Variants in SRCIN1 observed in about 807,000 individuals in gnomAD.
The protein encoded by SRCIN1 is P130Cas-associated protein.
In SRCIN1, 50 loss-of-function variants were observed where a neutral mutation model predicts 116.2. The observed-to-expected ratio is 0.43, with a 90% CI of 0.34 to 0.54. The LOEUF (loss-of-function observed/expected upper bound fraction) is 0.54. Among genes scored for constraint, SRCIN1 ranks in the 20% least tolerant of loss-of-function variants. SRCIN1 has a pLI of 0.02. For synonymous variants in SRCIN1, 736 were observed against 750.0 expected, an observed-to-expected ratio of 0.98 and a Z score of 0.30; for missense variants, 1,446 against 1,672.0, an observed-to-expected ratio of 0.86 and a Z score of 2.36.
chr17:38,560,415 C>G lies in SRCIN1; in HGVS notation c.1711G>C (p.Glu571Gln). ...AKDTETRERMEAMEKQIASLT... is the reference protein window; with the variant it reads ...AKDTETRERMQAMEKQIASLT... ...CTGGCAATCTGCTTCTCCATGGCCT[C>G]CATGCGCTCCCTGGGGAGGAAGGGG... The change falls in exon 8 of 19, where the codon GAG becomes CAG. Residue 571 changes from glutamate (E) to glutamine (Q), a missense_variant. Glu to Gln is a conservative substitution (Grantham distance 29). Around this residue, in one of 5 missense-constraint regions of SRCIN1, gnomAD observed 398 missense variants for 385.6 expected, o/e 1.03. Coordinates refer to ENST00000617146, the MANE Select transcript of SRCIN1 (RefSeq NM_025248.3). 6.2e-7 allele frequency: 1 copy of G among 1,610,908 alleles called. No individual in the cohort carries two copies. The highest frequency in any genetic ancestry group is 8.5e-7 in the Non-Finnish European group (1 of 1,178,612).
At chr17:38,570,166 AAG>A (rs1281130436) in intron 2 of SRCIN1, among the ~76,000 whole-genome samples, 14 of 151,996 alleles carry the variant, frequency 9.2e-5, no homozygotes, top group Non-Finnish European at 2.1e-4. Flanking sequence ...CACCCCTACT[AAG>A]AGAGGGGCTC....
rs1210606242 is a variant in SRCIN1 at position 38,568,600 on chromosome 17, C to T, written c.325-369G>A. On this transcript the variant is annotated intron_variant, in intron 2 of 18. Transcript: ENST00000617146. The surrounding 1 kb of genome is among the most constrained non-coding windows in gnomAD (Gnocchi z 4.5). ...AGGGAACAGTGCTTGGAAGAGGTGGCATTTGAGTTGGGTCTGGAAAAACGA... is the reference window on the plus strand; with the variant it reads ...AGGGAACAGTGCTTGGAAGAGGTGGTATTTGAGTTGGGTCTGGAAAAACGA... Among the ~76,000 whole-genome samples, 1 of 152,018 alleles carries T rather than the reference C, an allele frequency of 6.6e-6. No individual in the cohort carries two copies. Among genetic ancestry groups the T allele is most frequent in the Non-Finnish European group, 1.5e-5 (1 of 68,030 alleles).
intron 1 of SRCIN1, among the ~76,000 whole-genome samples, chr17:38,580,862 G>A (rs1465239451): frequency 6.6e-6 from 1 of 152,122 alleles, no homozygotes; most frequent in Admixed American, 6.5e-5. Context: ...GGGGGACAGG[G>A]TCTTGCTCTG....
chr17:38,574,882 C>T (rs951857893), intron 2 of SRCIN1: 5 of 400,674 alleles, frequency 1.2e-5, no homozygotes, highest in African/African-American at 6.2e-5. Flanking sequence ...TCACCTGGGC[C>T]GGCTGGCCAG....
rs868390676 is a variant in SRCIN1 at position 38,546,233 on chromosome 17, C to A, written c.3271-2264G>T. On this transcript the variant is annotated intron_variant, in intron 17 of 18. Coordinates refer to ENST00000617146, the MANE Select transcript of SRCIN1 (RefSeq NM_025248.3). ...CCTCACCTTCAGTGCCTACCTTAAC[C>A]CGGGAAGTGACTGCTGCTCTCACCA... 7.2e-5 allele frequency among the ~76,000 whole-genome samples: 11 copies of A among 152,332 alleles called. No homozygotes were observed. The Middle Eastern group carries it at 0.017, about 236-fold the overall frequency.
At chr17:38,548,030 A>C (rs1171295941) in intron 17 of SRCIN1, 1 of 196,728 alleles carries the variant, frequency 5.1e-6, no homozygotes, top group East Asian at 1.8e-4. Flanking sequence ...CATAGCCGCC[A>C]GCCCTCTCTG....
At chr17:38,553,728 C>T (rs1905599761) in intron 11 of SRCIN1, among the ~76,000 whole-genome samples, 1 of 152,182 alleles carries the variant, frequency 6.6e-6, no homozygotes, top group Middle Eastern at 3.2e-3. Flanking sequence ...TGGATCCCAT[C>T]ATCCTGAGGC....
rs2040908202 is a variant in SRCIN1, at chr17:38,530,680, CCTCCATGTAT to C, written c.*2607_*2616del. 1 of 152,332 alleles carries C rather than the reference CCTCCATGTAT, an allele frequency of 6.6e-6. No individual in the cohort carries two copies. Among genetic ancestry groups the C allele is most frequent in the South Asian group, 2.1e-4 (1 of 4,838 alleles). The allele number at this position is 152,332 out of a possible 1,614,324, so 9.4% of individuals were successfully genotyped here. A position where few individuals can be genotyped will look rare whatever the true frequency, so the allele number is the denominator to read the frequency against. On this transcript the variant is annotated 3_prime_UTR_variant, in exon 19 of 19. Coordinates refer to ENST00000617146, the MANE Select transcript of SRCIN1 (RefSeq NM_025248.3). ...CACTCGGAGACACAGATTACATGCACCTCCATGTATGCGTCTCTATCCACATGTACGTGGC... is the reference window on the plus strand; with the variant it reads ...CACTCGGAGACACAGATTACATGCACGCGTCTCTATCCACATGTACGTGGC...
chr17:38,574,906 G>A (rs1158042474), intron 2 of SRCIN1: 15 of 401,110 alleles, frequency 3.7e-5, no homozygotes, highest in Middle Eastern at 6.5e-4. Context: ...CGGAGGGGGC[G>A]GAGTCGCCAT....
chr17:38,563,594 T>G lies in SRCIN1; in HGVS notation c.542-73A>C. 6.6e-7 allele frequency: 1 copy of G among 1,523,872 alleles called. No individual in the cohort carries two copies. The highest frequency in any genetic ancestry group is 8.8e-7 in the Non-Finnish European group (1 of 1,135,082). The allele number at this position is 1,523,872 out of a possible 1,614,324, so 94.4% of individuals were successfully genotyped here. A position where few individuals can be genotyped will look rare whatever the true frequency, so the allele number is the denominator to read the frequency against. ...CGCCCTCCAGGAGAGCGCGGGGAGC[T>G]TTTCGGAGCTGCGCCAGCCCCGCAG... On this transcript the variant is annotated intron_variant, in intron 4 of 18. Transcript: ENST00000617146. This position sits in a 1 kb window ranked among gnomAD's most constrained non-coding sequence, Gnocchi z 5.8.
chr17:38,567,812 A>G (rs1410085807), intron 3 of SRCIN1, among the ~76,000 whole-genome samples: 4 of 152,176 alleles, frequency 2.6e-5, no homozygotes, highest in Non-Finnish European at 4.4e-5. Context: ...TCACAGTCAC[A>G]GGGCCTCCCT....
chr17:38,541,435 G>C (rs1044876358), intron 18 of SRCIN1: 1 of 152,168 alleles, frequency 6.6e-6, no homozygotes, highest in African/African-American at 2.4e-5. Context: ...GGGCAGCCTC[G>C]TACCGGCTGG....
At chr17:38,597,000 G>T (rs564499979) in intron 1 of SRCIN1, among the ~76,000 whole-genome samples, 1 of 151,914 alleles carries the variant, frequency 6.6e-6, no homozygotes, top group Admixed American at 6.5e-5. Context: ...CCTTCCTGCC[G>T]GGAGACACTG....
chr17:38,604,449 C>G lies in SRCIN1; in HGVS notation c.22+1235G>C, dbSNP rs1370242950. On this transcript the variant is annotated intron_variant, in intron 1 of 18. Transcript: ENST00000617146. The surrounding 1 kb of genome is among the most constrained non-coding windows in gnomAD (Gnocchi z 4.3). Reference sequence around the variant, plus strand: ...GAGGAGGGGGGCTGGGAAGATCCCCCTCCTTGCATACTTCCCCGCGCCTGC... The same window carrying G: ...GAGGAGGGGGGCTGGGAAGATCCCCGTCCTTGCATACTTCCCCGCGCCTGC... The G allele has an allele frequency of 4.5e-6, 2 of 445,848 alleles. No homozygotes were observed. The highest frequency in any genetic ancestry group is 4.1e-5 in the African/African-American group (2 of 48,974). 27.6% of individuals were successfully genotyped at this position (445,848 alleles called of 1,614,324 possible). A position where few individuals can be genotyped will look rare whatever the true frequency, so the allele number is the denominator to read the frequency against.
At chr17:38,590,639 C>T (rs1908389513) in intron 1 of SRCIN1, among the ~76,000 whole-genome samples, 1 of 152,216 alleles carries the variant, frequency 6.6e-6, no homozygotes, top group Admixed American at 6.5e-5. Context: ...AGGTTGCAAA[C>T]CCCCTATTTT....
At chr17:38,601,298 C>T (rs776545304) in intron 1 of SRCIN1, among the ~76,000 whole-genome samples, 55 of 152,170 alleles carry the variant, frequency 3.6e-4, no homozygotes, top group Non-Finnish European at 7.2e-4. Context: ...TATAACATTG[C>T]AAAGGGGCCC....
In SRCIN1 at chr17:38,569,441, G is replaced by A. The variant is rs192201533; in HGVS notation, c.325-1210C>T. On this transcript the variant is annotated intron_variant, in intron 2 of 18. Coordinates refer to ENST00000617146, the MANE Select transcript of SRCIN1 (RefSeq NM_025248.3). ...GACATCGAAGGCGCCCCTGGGGGAA[G>A]AACACCATGCCAGGGTGTCCTGGGC... is the stretch of plus-strand genomic sequence containing the variant. 4.7e-3 allele frequency among the ~76,000 whole-genome samples: 712 copies of A among 152,300 alleles called. 2 individuals carry two copies. Among genetic ancestry groups the A allele is most frequent in the Non-Finnish European group, 7.6e-3 (515 of 68,024 alleles).
rs1382515601 is a variant in SRCIN1, at chr17:38,544,463, C to T, written c.3271-494G>A. 4 of 153,590 alleles carry T rather than the reference C, an allele frequency of 2.6e-5. No individual in the cohort carries two copies. The highest frequency in any genetic ancestry group is 1.3e-4 in the Admixed American group (2 of 15,308). 9.5% of individuals were successfully genotyped at this position (153,590 alleles called of 1,614,324 possible). A position where few individuals can be genotyped will look rare whatever the true frequency, so the allele number is the denominator to read the frequency against. On this transcript the variant is annotated intron_variant, in intron 17 of 18. Coordinates refer to ENST00000617146, the MANE Select transcript of SRCIN1 (RefSeq NM_025248.3). The surrounding 1 kb of genome is among the most constrained non-coding windows in gnomAD (Gnocchi z 4.5). ...CCTAGGGATGGGCAAGCTTGGCTCC[C>T]ATGAACCTCCCCAAGTACCAGGCCT... is the stretch of plus-strand genomic sequence containing the variant.
chr17:38,595,953 G>A (rs1394022757), intron 1 of SRCIN1, among the ~76,000 whole-genome samples: 1 of 152,174 alleles, frequency 6.6e-6, no homozygotes, highest in Non-Finnish European at 1.5e-5. Flanking sequence ...ACCAGGGATA[G>A]CCCCCTCTCC....
Sources: gnomAD v4.1 joint callset for allele counts (sites outside exome capture counted in the v4.1 genomes callset) on GRCh38, gnomAD v4.1.1 for gene constraint, gnomAD v4.1.1 regional missense constraint, Gnocchi (gnomAD v3.1) non-coding constraint, MANE v1.5 for transcripts, NCBI Gene and HGNC (gene_info 2026-07-23, HGNC 2026-07-21) for gene names.